ROBO1: variants seen among roughly 807,000 people sequenced by gnomAD.
ROBO1 encodes the protein roundabout homolog 1.
Under a neutral mutation model 195.9 loss-of-function variants are expected in ROBO1, and 149 were observed. That is an observed-to-expected ratio of 0.76 (90% CI 0.67 to 0.87). ROBO1 has a LOEUF of 0.87. Among genes scored for constraint, ROBO1 ranks in the 40% least tolerant of loss-of-function variants. The pLI is 0.00. For missense variants in ROBO1, 1,933 were observed against 2,068.3 expected (o/e 0.93, Z 1.27); for synonymous variants, 816 against 733.2 (o/e 1.11, Z -1.82).
chr3:78,750,285 CT>C (rs1466637780), intron 4 of ROBO1, among the ~76,000 whole-genome samples: 1 of 151,690 alleles, frequency 6.6e-6, no homozygotes, highest in East Asian at 1.9e-4. Flanking sequence ...AACCCCGTTT[CT>C]ACTAAAAATA....
At chr3:78,892,854 A>C (rs1559971181) in intron 4 of ROBO1, among the ~76,000 whole-genome samples, 1 of 152,156 alleles carries the variant, frequency 6.6e-6, no homozygotes, top group Non-Finnish European at 1.5e-5. Context: ...AGTCACAGGA[A>C]TTCCTTTTCC....
At chr3:78,613,906 C>T (rs1489755946) in intron 28 of ROBO1, among the ~76,000 whole-genome samples, 1 of 152,150 alleles carries the variant, frequency 6.6e-6, no homozygotes, top group Non-Finnish European at 1.5e-5. Context: ...CTTCCTCCTC[C>T]ACCCCTTTAG....
intron 2 of ROBO1, among the ~76,000 whole-genome samples, chr3:79,509,783 A>G (rs375461498): frequency 7.2e-5 from 11 of 152,168 alleles, no homozygotes; most frequent in Non-Finnish European, 1.2e-4. Context: ...CATGAAACAT[A>G]TGAATGTGAT....
At position 79,741,777 on chromosome 3, in the gene ROBO1, T is replaced by A. The variant is rs986812624; in HGVS notation, c.-51+25975A>T. Among the ~76,000 whole-genome samples the A allele has an allele frequency of 7.9e-5, 12 of 152,150 alleles. No homozygotes were observed. In the South Asian group the frequency reaches 8.3e-4, roughly 11 times the overall value. ...TCTTGTTAAATGATTGTGACAAAAGTGCTGATAGTGATGTGGACAATAAAG... is the reference window on the plus strand; with the variant it reads ...TCTTGTTAAATGATTGTGACAAAAGAGCTGATAGTGATGTGGACAATAAAG... On this transcript the variant is annotated intron_variant, in intron 1 of 30. Coordinates refer to ENST00000464233, the MANE Select transcript of ROBO1 (RefSeq NM_002941.4).
intron 1 of ROBO1, among the ~76,000 whole-genome samples, chr3:79,742,715 C>T (rs2107433848): frequency 6.6e-6 from 1 of 152,272 alleles, no homozygotes; most frequent in Non-Finnish European, 1.5e-5. Context: ...CTAAGAGTTT[C>T]TCTAAGCTTG....
chr3:79,134,892 G>A (rs1477190725), intron 2 of ROBO1, among the ~76,000 whole-genome samples: 1 of 116,548 alleles, frequency 8.6e-6, no homozygotes, highest in Non-Finnish European at 1.7e-5. Flanking sequence ...CTGTGGTGGG[G>A]TCGGGGGAGG....
At chr3:79,125,366 G>T in intron 3 of ROBO1, 90 bp downstream of exon 3, 4 of 1,026,074 alleles carry the variant, frequency 3.9e-6, no homozygotes, top group East Asian at 2.5e-5. Flanking sequence ...AAGCAGGGAT[G>T]ATTCGATTAA....
intron 2 of ROBO1, among the ~76,000 whole-genome samples, chr3:79,245,760 C>T (rs1314197404): frequency 6.6e-6 from 1 of 151,920 alleles, no homozygotes; most frequent in Non-Finnish European, 1.5e-5. Context: ...CTTTATCATG[C>T]CTAATGACAA....
At chr3:79,140,469 A>C (rs2080502019) in intron 2 of ROBO1, among the ~76,000 whole-genome samples, 1 of 152,154 alleles carries the variant, frequency 6.6e-6, no homozygotes, top group African/African-American at 2.4e-5. Context: ...CTTCAACTAT[A>C]AAATGTGAAA....
intron 2 of ROBO1, among the ~76,000 whole-genome samples, chr3:79,244,781 T>C (rs1181442996): frequency 2.0e-5 from 3 of 152,144 alleles, no homozygotes; most frequent in Non-Finnish European, 2.9e-5. Flanking sequence ...AAATATTACA[T>C]ATCCATAAAT....
chr3:79,076,288 C>T (rs1036518396), intron 3 of ROBO1, among the ~76,000 whole-genome samples: 1 of 146,878 alleles, frequency 6.8e-6, no homozygotes, highest in Admixed American at 6.9e-5. Context: ...TATAAATATA[C>T]ATATATAAAA....
chr3:79,552,000 A>AC (rs1248457028), intron 2 of ROBO1, among the ~76,000 whole-genome samples: 10 of 143,646 alleles, frequency 7.0e-5, no homozygotes, highest in African/African-American at 2.7e-4. Context: ...AAAAAAAAAA[A>AC]AAAAAAAAAA....
chr3:78,968,620 A>G (rs1331706337), intron 3 of ROBO1, among the ~76,000 whole-genome samples: 1 of 152,080 alleles, frequency 6.6e-6, no homozygotes, highest in Non-Finnish European at 1.5e-5. Context: ...AGAAAAAAAA[A>G]AGGCAGTAAG....
At chr3:78,786,805 T>C (rs1475613783) in intron 4 of ROBO1, among the ~76,000 whole-genome samples, 1 of 152,218 alleles carries the variant, frequency 6.6e-6, no homozygotes, top group Non-Finnish European at 1.5e-5. Context: ...AAGCCTCTTT[T>C]TCTTTATAAA....
intron 2 of ROBO1, among the ~76,000 whole-genome samples, chr3:79,371,619 T>C (rs1330178228): frequency 6.6e-6 from 1 of 152,022 alleles, no homozygotes; most frequent in Non-Finnish European, 1.5e-5. Context: ...CTTGAAGGAA[T>C]ATAAAGTGCG....
chr3:79,025,470 C>T (rs1261620934), intron 3 of ROBO1, among the ~76,000 whole-genome samples: 3 of 152,070 alleles, frequency 2.0e-5, no homozygotes, highest in Non-Finnish European at 4.4e-5. Flanking sequence ...GTCCCAGCAT[C>T]CAAAACAGTG....
chr3:79,714,090 C>A lies in ROBO1; in HGVS notation c.-51+53662G>T, dbSNP rs187059048. ...TGGCAATGCAGGCTCTTTTTTGCAA[C>A]CTACTCATCTGACAAAGGGCTAATA... On this transcript the variant is annotated intron_variant, in intron 1 of 30. Coordinates refer to ENST00000464233, the MANE Select transcript of ROBO1 (RefSeq NM_002941.4). 3.6e-3 allele frequency among the ~76,000 whole-genome samples: 554 copies of A among 152,044 alleles called. 3 individuals are homozygous for A. The highest frequency in any genetic ancestry group is 6.5e-3 in the Non-Finnish European group (443 of 67,932).
rs896346621 is a variant in ROBO1, at chr3:78,660,920, A to C, written c.2320+110T>G. ...AGCAAAATGTATGTTCAATATCAAG[A>C]AAGTTAGTAATTAATGCCACTATTA... On this transcript the variant is annotated intron_variant, in intron 16 of 30. Coordinates refer to ENST00000464233, the MANE Select transcript of ROBO1 (RefSeq NM_002941.4). The C allele has an allele frequency of 4.6e-5, 36 of 782,682 alleles. No individual in the cohort carries two copies. In the African/African-American group the frequency reaches 5.4e-4, roughly 12 times the overall value. The allele number at this position is 782,682 out of a possible 1,614,324, so 48.5% of individuals were successfully genotyped here.
At chr3:79,424,568 T>C (rs1235874629) in intron 2 of ROBO1, among the ~76,000 whole-genome samples, 1 of 152,088 alleles carries the variant, frequency 6.6e-6, no homozygotes, top group African/African-American at 2.4e-5. Context: ...AACATAATAA[T>C]ATGTTACAAA....
Sources: gnomAD v4.1 joint callset for allele counts (sites outside exome capture counted in the v4.1 genomes callset) on GRCh38, gnomAD v4.1.1 for gene constraint, MANE v1.5 for transcripts, NCBI Gene and HGNC (gene_info 2026-07-23, HGNC 2026-07-21) for gene names.